Variants in PDZD2 observed in about 807,000 individuals in gnomAD.
PDZD2 encodes PDZ domain containing 2, also known as PDZ domain-containing protein 2.
In PDZD2, 90 loss-of-function variants were observed where a neutral mutation model predicts 220.7. That is an observed-to-expected ratio of 0.41 (90% confidence interval 0.34 to 0.49). PDZD2 has a LOEUF of 0.49. Ranked by LOEUF, PDZD2 falls within the 20% of genes least tolerant of loss-of-function variation. The pLI is 0.28. For missense variants in PDZD2, 3,174 were observed against 3,608.5 expected (o/e 0.88, Z 3.08); for synonymous variants, 1,375 against 1,450.5 (o/e 0.95, Z 1.18).
intron 2 of PDZD2, among the ~76,000 whole-genome samples, chr5:31,974,608 G>T (rs1749584615): frequency 6.6e-6 from 1 of 152,172 alleles, no homozygotes; most frequent in Admixed American, 6.5e-5. Context: ...CAGACTCCTG[G>T]CTCAAAGATG....
At chr5:31,785,513 T>C (rs1005704754) in intron 1 of PDZD2, among the ~76,000 whole-genome samples, 4 of 151,722 alleles carry the variant, frequency 2.6e-5, no homozygotes, top group Non-Finnish European at 4.4e-5. Context: ...AGCATATCTC[T>C]CACTGCAGCC....
At chr5:31,892,755 C>CGG (rs377483871) in intron 2 of PDZD2, among the ~76,000 whole-genome samples, 47 of 17,986 alleles carry the variant, frequency 2.6e-3, no homozygotes, top group African/African-American at 5.1e-3. Flanking sequence ...TGTGGGTGGG[C>CGG]GGGGGGGGTC....
At chr5:31,847,142 T>C (rs920832700) in intron 2 of PDZD2, 1 of 159,582 alleles carries the variant, frequency 6.3e-6, no homozygotes, top group African/African-American at 2.4e-5. Flanking sequence ...ATATGCTGTC[T>C]CATAGATACT....
intron 2 of PDZD2, among the ~76,000 whole-genome samples, chr5:31,870,178 C>CT (rs1231748083): frequency 6.6e-6 from 1 of 152,068 alleles, no homozygotes; most frequent in East Asian, 1.9e-4. Flanking sequence ...TAGTACCATA[C>CT]CGTCTGAGTC....
intron 9 of PDZD2, 126 bp from the exon 10 acceptor site, chr5:32,053,643 T>C (rs13165981): frequency 0.069 from 45,088 of 656,230 alleles, 1,851 homozygotes; most frequent in Middle Eastern, 0.11. Flanking sequence ...CAGGCCTGGT[T>C]AGGGAGGGCA....
intron 19 of PDZD2, among the ~76,000 whole-genome samples, chr5:32,078,803 T>G (rs904918057): frequency 5.3e-5 from 7 of 132,030 alleles, no homozygotes; most frequent in African/African-American, 2.2e-4. Flanking sequence ...AGACCCAATC[T>G]CTGGGAAAAA....
chr5:32,047,557 C>T (rs323826), intron 7 of PDZD2, among the ~76,000 whole-genome samples: 141,462 of 152,316 alleles, frequency 0.93, 65,965 homozygotes, highest in Non-Finnish European at 0.97. Context: ...AAAAAGAATA[C>T]GCAACAAAGG....
intron 4 of PDZD2, among the ~76,000 whole-genome samples, chr5:31,996,743 T>C (rs1241896154): frequency 6.6e-6 from 1 of 152,108 alleles, no homozygotes; most frequent in Admixed American, 6.6e-5. Context: ...TAGCTGGTCA[T>C]GGTGGCACAC....
intron 1 of PDZD2, among the ~76,000 whole-genome samples, chr5:31,779,958 T>C (rs1237150957): frequency 6.6e-6 from 1 of 152,166 alleles, no homozygotes; most frequent in African/African-American, 2.4e-5. Context: ...ACTGCTTTAG[T>C]TGTGTCTTCG....
At chr5:31,994,915 G>A (rs1031040275) in intron 3 of PDZD2, among the ~76,000 whole-genome samples, 1 of 152,144 alleles carries the variant, frequency 6.6e-6, no homozygotes, top group African/African-American at 2.4e-5. Context: ...TTAATTCTAA[G>A]AACAAACCTG....
At chr5:31,814,171 G>A in intron 2 of PDZD2, among the ~76,000 whole-genome samples, 1 of 152,150 alleles carries the variant, frequency 6.6e-6, no homozygotes, top group South Asian at 2.1e-4. Context: ...TAAAACAATG[G>A]TTTATGGGAA....
At chr5:32,049,965 A>C (rs1460445828) in intron 8 of PDZD2, among the ~76,000 whole-genome samples, 1 of 152,002 alleles carries the variant, frequency 6.6e-6, no homozygotes, top group Non-Finnish European at 1.5e-5. Flanking sequence ...ACTGAGTCTC[A>C]CTCTGTTGCC....
intron 5 of PDZD2, among the ~76,000 whole-genome samples, chr5:32,004,096 A>G (rs1243168123): frequency 7.0e-6 from 1 of 142,572 alleles, no homozygotes; most frequent in Non-Finnish European, 1.6e-5. Context: ...AAGATTAAAA[A>G]AAAAAAAGGT....
chr5:32,088,847 C>T lies in PDZD2; in HGVS notation c.5399C>T (p.Ala1800Val). The T allele has an allele frequency of 6.2e-7, 1 of 1,614,074 alleles. No individual in the cohort carries two copies. The highest frequency in any genetic ancestry group is 8.5e-7 in the Non-Finnish European group (1 of 1,180,010). Residue 1800 changes from alanine (A) to valine (V), a missense_variant, in exon 20 of 25, where the codon GCC becomes GTC. By Grantham distance (64) the Ala-to-Val change is moderately conservative. This residue lies in a region of PDZD2 where 1,861 missense variants were observed against 2,001.0 expected (regional missense o/e 0.93). Coordinates refer to ENST00000438447, the MANE Select transcript of PDZD2 (RefSeq NM_178140.4). This position sits in a 1 kb window ranked among gnomAD's most constrained non-coding sequence, Gnocchi z 4.6. ...PKMIARRPIMAWFKEINKHNQ... is the reference protein window; with the variant it reads ...PKMIARRPIMVWFKEINKHNQ... ...ATGATCGCTAGGAGGCCCATCATGG[C>T]CTGGTTTAAAGAAATAAATAAACAT...
intron 6 of PDZD2, among the ~76,000 whole-genome samples, chr5:32,032,248 C>A (rs1397626895): frequency 2.0e-5 from 3 of 152,190 alleles, no homozygotes; most frequent in Non-Finnish European, 2.9e-5. Flanking sequence ...ATTCCAGAGG[C>A]CCAGGCCCTG....
At chr5:32,048,381 T>C (rs1201961770) in intron 7 of PDZD2, among the ~76,000 whole-genome samples, 158 bp from the exon 8 acceptor site, 1 of 152,240 alleles carries the variant, frequency 6.6e-6, no homozygotes, top group Non-Finnish European at 1.5e-5. Context: ...CAGAGATTGC[T>C]ATTAGGATGG....
At chr5:32,042,058 A>G (rs577209649) in intron 7 of PDZD2, among the ~76,000 whole-genome samples, 3 of 145,202 alleles carry the variant, frequency 2.1e-5, no homozygotes, top group African/African-American at 5.0e-5. Flanking sequence ...GATCGAGACC[A>G]TCCTGGCTAA....
intron 1 of PDZD2, chr5:31,742,136 A>G (rs1377957085): frequency 6.6e-6 from 1 of 152,206 alleles, no homozygotes; most frequent in Non-Finnish European, 1.5e-5. Context: ...GCAGTCTTCT[A>G]TTACATTAGT....
At chr5:31,962,547 C>T (rs1379740514) in intron 2 of PDZD2, among the ~76,000 whole-genome samples, 2 of 152,214 alleles carry the variant, frequency 1.3e-5, no homozygotes, top group African/African-American at 4.8e-5. Context: ...CTTGGCAGTG[C>T]AGTGTCCTGG....
Sources: gnomAD v4.1 joint callset for allele counts (sites outside exome capture counted in the v4.1 genomes callset) on GRCh38, gnomAD v4.1.1 for gene constraint, gnomAD v4.1.1 regional missense constraint, Gnocchi (gnomAD v3.1) non-coding constraint, MANE v1.5 for transcripts, NCBI Gene and HGNC (gene_info 2026-07-23, HGNC 2026-07-21) for gene names.